Variants in NADK observed in about 807,000 individuals in gnomAD.
NADK encodes the protein poly(P)/ATP NAD kinase.
A neutral mutation model predicts 49.8 loss-of-function variants in NADK; 22 were observed. The observed-to-expected ratio is 0.44, with a 90% CI of 0.32 to 0.63. The LOEUF (loss-of-function observed/expected upper bound fraction) is 0.63. Among genes scored for constraint, NADK ranks in the 30% least tolerant of loss-of-function variants. The probability of loss-of-function intolerance (pLI) is 0.06; values close to 1 mark genes in which losing one functional copy is unlikely to be tolerated. For synonymous variants in NADK, 268 were observed against 253.7 expected (o/e 1.06, Z -0.54); for missense variants, 438 against 609.4 (o/e 0.72, Z 2.96).
At chr1:1,762,964 G>C (rs1054675524) in intron 2 of NADK, among the ~76,000 whole-genome samples, 3 of 152,202 alleles carry the variant, frequency 2.0e-5, no homozygotes, top group Non-Finnish European at 2.9e-5. Context: ...CTCGTCCTAG[G>C]TGCCCGGGAG....
chr1:1,753,554 A>T lies in NADK; in HGVS notation c.1184+13T>A. On this transcript the variant is annotated intron_variant, in intron 11 of 11. Transcript: ENST00000341426. Reference sequence around the variant, plus strand: ...GTTGGCAGGCAGCGCCCAGCCCGGCATGCAGCCCACACCTGTCTCCATGGC... The same window carrying T: ...GTTGGCAGGCAGCGCCCAGCCCGGCTTGCAGCCCACACCTGTCTCCATGGC... 1 of 1,608,380 alleles carries T rather than the reference A, an allele frequency of 6.2e-7. No homozygotes were observed. Among genetic ancestry groups the T allele is most frequent in the Non-Finnish European group, 8.5e-7 (1 of 1,176,844 alleles).
chr1:1,766,410 C>A (rs1461251335), intron 1 of NADK, among the ~76,000 whole-genome samples: 2 of 27,004 alleles, frequency 7.4e-5, no homozygotes, highest in Non-Finnish European at 9.6e-5. Context: ...AACTCCGTCT[C>A]AAAAAAAAAA....
At chr1:1,772,120 T>C (rs755369495) in intron 1 of NADK, among the ~76,000 whole-genome samples, 16 of 151,890 alleles carry the variant, frequency 1.1e-4, no homozygotes, top group Non-Finnish European at 2.2e-4. Flanking sequence ...GAAAAAGTCT[T>C]AGTGGTGTTT....
intron 1 of NADK, among the ~76,000 whole-genome samples, chr1:1,772,814 C>A (rs182082254): frequency 6.6e-6 from 1 of 151,288 alleles, no homozygotes; most frequent in African/African-American, 2.4e-5. Flanking sequence ...CCAAGGCGGG[C>A]GGATCACCTG....
At chr1:1,756,184 C>T in intron 6 of NADK, 74 bp downstream of exon 6, 2 of 1,361,050 alleles carry the variant, frequency 1.5e-6, no homozygotes, top group South Asian at 2.3e-5. Flanking sequence ...CAATGGAAGC[C>T]ATGCTTGTGA....
intron 1 of NADK, among the ~76,000 whole-genome samples, chr1:1,774,675 C>A (rs1304755460): frequency 6.6e-6 from 1 of 152,108 alleles, no homozygotes; most frequent in Non-Finnish European, 1.5e-5. Context: ...TGCGCGGTCA[C>A]CACTGTATTT....
In NADK at chr1:1,754,612, G is replaced by A. The variant is rs147882911; in HGVS notation, c.775C>T (p.Leu259=). The A allele has an allele frequency of 5.2e-5, 84 of 1,613,936 alleles. No individual in the cohort carries two copies. The African/African-American group carries it at 1.0e-3, about 20-fold the overall frequency. Residue 259 remains leucine (L), a synonymous_variant, in exon 8 of 12, where the codon CTG becomes TTG. Coordinates refer to ENST00000341426, the MANE Select transcript of NADK (RefSeq NM_023018.5). This position sits in a 1 kb window ranked among gnomAD's most constrained non-coding sequence, Gnocchi z 4.3. ...GCAGCCTGCGAGCCGTTCTCACCCA[G>A]CCCATTGTGCACGGCCGTCTTCTTC... ...RGKKTAVHNG[L]GENGSQAAGL... is the part of the protein sequence containing the mutation.
In NADK at chr1:1,756,501, A is replaced by G; in HGVS notation, c.499+2T>C. The G allele has an allele frequency of 1.2e-6, 2 of 1,614,016 alleles. No individual in the cohort carries two copies. The highest frequency in any genetic ancestry group is 1.7e-6 in the Non-Finnish European group (2 of 1,180,012). On this transcript the variant is annotated splice_donor_variant, in intron 5 of 11. Coordinates refer to ENST00000341426, the MANE Select transcript of NADK (RefSeq NM_023018.5). LOFTEE classifies it high-confidence loss of function. The stretch of plus-strand genomic sequence containing the variant: ...CCAAGGACAGAGCTGCTGACAGCCC[A>G]CCTTCTCGAAAGGTACAGAATTTCT...
At position 1,754,085 on chromosome 1, in the gene NADK, C is replaced by T; in HGVS notation, c.1067G>A (p.Arg356Gln). The change falls in exon 10 of 12, where the codon CGG (arginine) becomes CAG (glutamine). Residue 356 changes from arginine to glutamine, a missense_variant. Transcript: ENST00000341426. The surrounding 1 kb of genome is among the most constrained non-coding windows in gnomAD (Gnocchi z 4.3). ...TPICPHSLSF[R>Q]PIVVPAGVEL... The stretch of plus-strand genomic sequence containing the variant: ...GACCCCTGCGGGGACCACGATGGGC[C>T]GGAAGGACAGCGAGTGGGGGCAGAT... 3 of 1,603,762 alleles carry T rather than the reference C, an allele frequency of 1.9e-6. No homozygotes were observed. Among genetic ancestry groups the T allele is most frequent in the Non-Finnish European group, 2.6e-6 (3 of 1,174,802 alleles).
Position 1,752,598 on chromosome 1 carries a change from G to A in NADK, c.*306C>T, listed in dbSNP as rs182315237. 3.1e-4 allele frequency: 92 copies of A among 298,668 alleles called. No homozygotes were observed. The highest frequency in any genetic ancestry group is 1.8e-3 in the African/African-American group (85 of 46,586). The allele number at this position is 298,668 out of a possible 1,614,324, so 18.5% of individuals were successfully genotyped here. On this transcript the variant is annotated 3_prime_UTR_variant, in exon 12 of 12. Coordinates refer to ENST00000341426, the MANE Select transcript of NADK (RefSeq NM_023018.5). ...TCTGAATTTCAACCGACTGATTTGC[G>A]GAAAAATATCCTGGCATGGAAATTG...
chr1:1,756,083 C>G, intron 6 of NADK, 175 bp downstream of exon 6: 1 of 650,866 alleles, frequency 1.5e-6, no homozygotes, highest in Non-Finnish European at 2.7e-6. Flanking sequence ...CACACTGCCC[C>G]TGGCCCCACC....
Position 1,754,720 on chromosome 1 carries a change from AG to A in NADK, c.689-23del. The A allele has an allele frequency of 6.3e-7, 1 of 1,587,958 alleles. No homozygotes were observed. Among genetic ancestry groups the A allele is most frequent in the Non-Finnish European group, 8.6e-7 (1 of 1,166,288 alleles). ...TTCCCTGAGGTCCAGCAGGAGTCAG[AG>A]GGCATGCATCAGGGAAGTCAGTGGG... is the stretch of plus-strand genomic sequence containing the variant. On this transcript the variant is annotated intron_variant, in intron 7 of 11. Coordinates refer to ENST00000341426, the MANE Select transcript of NADK (RefSeq NM_023018.5). This position sits in a 1 kb window ranked among gnomAD's most constrained non-coding sequence, Gnocchi z 4.3.
chr1:1,773,966 C>G (rs1181003035), intron 1 of NADK, among the ~76,000 whole-genome samples: 1 of 151,934 alleles, frequency 6.6e-6, no homozygotes, highest in Non-Finnish European at 1.5e-5. Flanking sequence ...AACTCCTGGG[C>G]TCTGGTGGCC....
chr1:1,760,828 C>A (rs1645698799), intron 3 of NADK, among the ~76,000 whole-genome samples: 1 of 152,178 alleles, frequency 6.6e-6, no homozygotes, highest in African/African-American at 2.4e-5. Context: ...TCAGGGCTGG[C>A]TGGGAGCTCA....
intron 11 of NADK, 44 bp from the exon 12 acceptor site, chr1:1,753,104 GC>G (rs1179541232): frequency 6.3e-7 from 1 of 1,575,014 alleles, no homozygotes; most frequent in Non-Finnish European, 8.6e-7. Flanking sequence ...TTCCAGAAAG[GC>G]CCACCCCCGG....
intron 2 of NADK, among the ~76,000 whole-genome samples, chr1:1,764,874 T>G (rs1488052551): frequency 6.6e-6 from 1 of 152,170 alleles, no homozygotes; most frequent in East Asian, 1.9e-4. Context: ...GCACTCCAGC[T>G]TGGGGGACAG....
At chr1:1,768,210 G>A (rs1645944399) in intron 1 of NADK, among the ~76,000 whole-genome samples, 1 of 151,384 alleles carries the variant, frequency 6.6e-6, no homozygotes, top group Non-Finnish European at 1.5e-5. Context: ...TCATAAGTGT[G>A]GGGTCTGATC....
At chr1:1,760,863 C>G (rs779192371) in intron 3 of NADK, among the ~76,000 whole-genome samples, 1 of 152,258 alleles carries the variant, frequency 6.6e-6, no homozygotes, top group African/African-American at 2.4e-5. Flanking sequence ...GACAGTCTTG[C>G]TCTGTCGCCC....
chr1:1,779,331 T>TG (rs1646306456), upstream of NADK: 1 of 152,378 alleles, frequency 6.6e-6, no homozygotes, highest in Non-Finnish European at 1.5e-5. Context: ...AGCCCGCACT[T>TG]GCTGAACTGG....
Sources: allele counts gnomAD v4.1 joint callset (sites outside exome capture counted in the v4.1 genomes callset), GRCh38; gene constraint gnomAD v4.1.1; non-coding constraint Gnocchi (gnomAD v3.1); transcripts MANE v1.5; gene names NCBI Gene and HGNC (gene_info 2026-07-23, HGNC 2026-07-21).